MFHAS1: variants seen among roughly 807,000 people sequenced by gnomAD.
The protein encoded by MFHAS1 is multifunctional ROCO family signaling regulator 1.
In MFHAS1, 50 loss-of-function variants were observed where a neutral mutation model predicts 70.4. That is an observed-to-expected ratio of 0.71 (90% CI 0.57 to 0.90). The LOEUF (loss-of-function observed/expected upper bound fraction) is 0.90, where lower values mean the gene tolerates loss of function less well. Among genes scored for constraint, MFHAS1 ranks in the 40% least tolerant of loss-of-function variants. The probability of loss-of-function intolerance (pLI) is 0.00; values close to 1 mark genes in which losing one functional copy is unlikely to be tolerated. For missense variants in MFHAS1, 1,795 were observed against 1,347.6 expected (o/e 1.33, Z -5.20); for synonymous variants, 952 against 620.0 (o/e 1.54, Z -7.96).
chr8:8,879,367 G>C (rs1011878142), intron 1 of MFHAS1, among the ~76,000 whole-genome samples: 4 of 151,958 alleles, frequency 2.6e-5, no homozygotes, highest in African/African-American at 9.7e-5. Context: ...AAAAAGGTAA[G>C]GACTCCTGAA....
rs952929327 is a variant in MFHAS1 at position 8,785,034 on chromosome 8, C to T, written c.*988G>A. On this transcript the variant is annotated 3_prime_UTR_variant, in exon 3 of 3. Transcript: ENST00000276282. ...CCAGATGTGGAAGGTCTACAAAGAG[C>T]TCTGCTAATAAGTAATATGTTTGCA... The T allele has an allele frequency of 1.3e-5, 2 of 152,124 alleles. No homozygotes were observed. Among genetic ancestry groups the T allele is most frequent in the Non-Finnish European group, 2.9e-5 (2 of 68,016 alleles). The allele number at this position is 152,124 out of a possible 1,614,324, so 9.4% of individuals were successfully genotyped here.
chr8:8,890,680 C>G lies in MFHAS1; in HGVS notation c.2379G>C (p.Leu793=). 1 of 1,613,522 alleles carries G rather than the reference C, an allele frequency of 6.2e-7. No individual in the cohort carries two copies. The highest frequency in any genetic ancestry group is 8.5e-7 in the Non-Finnish European group (1 of 1,179,610). The change falls in exon 1 of 3, where the codon CTG becomes CTC. Residue 793 remains leucine, a synonymous_variant. Transcript: ENST00000276282. The part of the protein sequence containing the change: ...TQLHQYVEGF[L]LHGLLPAHVI... ...CATGAGCTGGCAAGAGCCCATGCAA[C>G]AGAAAGCCCTCCACATACTGATGGA... is the stretch of plus-strand genomic sequence containing the variant.
At chr8:8,844,757 C>T (rs971170044) in intron 1 of MFHAS1, among the ~76,000 whole-genome samples, 1 of 152,194 alleles carries the variant, frequency 6.6e-6, no homozygotes, top group Non-Finnish European at 1.5e-5. Flanking sequence ...TCCTCTTCCC[C>T]AACTTGATTT....
rs1216123478 is a variant in MFHAS1, at chr8:8,783,723, G to C, written c.*2299C>G. On this transcript the variant is annotated 3_prime_UTR_variant, in exon 3 of 3. Transcript: ENST00000276282. ...GCCTTGCTTAGAAAACATTCCTCTT[G>C]TGCTTAGTGAATCACCTATCGCCTC... The C allele has an allele frequency of 6.6e-6, 1 of 152,178 alleles. No individual in the cohort carries two copies. Among genetic ancestry groups the C allele is most frequent in the African/African-American group, 2.4e-5 (1 of 41,432 alleles). The allele number at this position is 152,178 out of a possible 1,614,324, so 9.4% of individuals were successfully genotyped here. A position where few individuals can be genotyped will look rare whatever the true frequency, so the allele number is the denominator to read the frequency against.
At chr8:8,818,768 G>C (rs928257839) in intron 1 of MFHAS1, among the ~76,000 whole-genome samples, 1 of 152,212 alleles carries the variant, frequency 6.6e-6, no homozygotes, top group Non-Finnish European at 1.5e-5. Context: ...GTCTATGAGA[G>C]AAGCAACTGC....
In MFHAS1 at chr8:8,822,655, A is replaced by T. The variant is rs187659385; in HGVS notation, c.2999-25164T>A. Among the ~76,000 whole-genome samples, 636 of 125,712 alleles carry T rather than the reference A, an allele frequency of 5.1e-3. 19 individuals are homozygous for T. The Admixed American group carries it at 0.051, about 10-fold the overall frequency. 82.5% of individuals were successfully genotyped at this position (125,712 alleles called of 152,430 possible). A position where few individuals can be genotyped will look rare whatever the true frequency, so the allele number is the denominator to read the frequency against. ...GGACTGAGATGGAGACAGGGACCCA[A>T]GTCAGGGGGACTGAGACGGGGACAG... On this transcript the variant is annotated intron_variant, in intron 1 of 2. Coordinates refer to ENST00000276282, the MANE Select transcript of MFHAS1 (RefSeq NM_004225.3).
At chr8:8,888,727 A>C (rs1172135315) in intron 1 of MFHAS1, among the ~76,000 whole-genome samples, 1 of 152,236 alleles carries the variant, frequency 6.6e-6, no homozygotes, top group African/African-American at 2.4e-5. Flanking sequence ...CAGAGCACAG[A>C]GGATTTTTAA....
intron 1 of MFHAS1, among the ~76,000 whole-genome samples, chr8:8,848,104 C>G (rs966813734): frequency 6.6e-6 from 1 of 152,210 alleles, no homozygotes; most frequent in African/African-American, 2.4e-5. Flanking sequence ...GGGACGGCTG[C>G]TTTCCACCCA....
Position 8,862,807 on chromosome 8 carries a change from T to C in MFHAS1, c.2998+27254A>G, listed in dbSNP as rs569691114. On this transcript the variant is annotated intron_variant, in intron 1 of 2. Transcript: ENST00000276282. ...TGGGGATGCTACTAATGGAGGAGGC[T>C]GCGCATGTGTGGGGACAGGGAACAG... is the stretch of plus-strand genomic sequence containing the variant. Among the ~76,000 whole-genome samples the C allele has an allele frequency of 1.2e-3, 181 of 152,318 alleles. 1 individual carries two copies. Among genetic ancestry groups the C allele is most frequent in the African/African-American group, 3.9e-3 (162 of 41,570 alleles).
chr8:8,888,317 C>A (rs1304709618), intron 1 of MFHAS1, among the ~76,000 whole-genome samples: 1 of 152,132 alleles, frequency 6.6e-6, no homozygotes, highest in African/African-American at 2.4e-5. Flanking sequence ...ATACTATTAC[C>A]AGCTGCATTC....
Position 8,819,453 on chromosome 8 carries a change from A to C in MFHAS1, c.2999-21962T>G, listed in dbSNP as rs374972221. Among the ~76,000 whole-genome samples, 262 of 152,008 alleles carry C rather than the reference A, an allele frequency of 1.7e-3. 7 individuals are homozygous for C. The South Asian group carries it at 0.053, about 31-fold the overall frequency. On this transcript the variant is annotated intron_variant, in intron 1 of 2. Coordinates refer to ENST00000276282, the MANE Select transcript of MFHAS1 (RefSeq NM_004225.3). Reference sequence around the variant, plus strand: ...ACCCCATCTCTACTAAAAACACAAAAAATTAGCCGGGCATGGTGGCGGGTG... The same window carrying C: ...ACCCCATCTCTACTAAAAACACAAACAATTAGCCGGGCATGGTGGCGGGTG...
chr8:8,797,467 G>T lies in MFHAS1; in HGVS notation c.3023C>A (p.Pro1008Gln). ...GCAAATGATCTCTGCCACTCCTTCC[G>T]GTCTGGGCTGACTCAGCAACTCCCC... ...FPGELLSQPR[P>Q]EGVAEIICPK... Residue 1008 changes from proline to glutamine, a missense_variant, in exon 2 of 3, where the codon CCG becomes CAG. Coordinates refer to ENST00000276282, the MANE Select transcript of MFHAS1 (RefSeq NM_004225.3). 6.2e-7 allele frequency: 1 copy of T among 1,613,996 alleles called. No individual in the cohort carries two copies. Among genetic ancestry groups the T allele is most frequent in the Non-Finnish European group, 8.5e-7 (1 of 1,179,932 alleles).
chr8:8,819,861 G>C (rs560754962), intron 1 of MFHAS1, among the ~76,000 whole-genome samples: 3 of 152,098 alleles, frequency 2.0e-5, no homozygotes, highest in African/African-American at 7.2e-5. Flanking sequence ...ACCATGCCCA[G>C]CTGACTTTTT....
intron 2 of MFHAS1, among the ~76,000 whole-genome samples, chr8:8,796,508 CCCGTCTCTACTA>C (rs758430588): frequency 1.1e-3 from 163 of 149,184 alleles, no homozygotes; most frequent in Non-Finnish European, 1.9e-3. Context: ...AGGGTGAAAC[CCCGTCTCTACTA>C]AAAATACAAA....
chr8:8,853,540 G>A (rs1474686384), intron 1 of MFHAS1, among the ~76,000 whole-genome samples: 1 of 151,388 alleles, frequency 6.6e-6, no homozygotes, highest in Non-Finnish European at 1.5e-5. Flanking sequence ...GGCAAACAGT[G>A]TGGGTACAAC....
At chr8:8,792,788 G>A (rs1805762142) in intron 2 of MFHAS1, among the ~76,000 whole-genome samples, 1 of 152,152 alleles carries the variant, frequency 6.6e-6, no homozygotes, top group Non-Finnish European at 1.5e-5. Flanking sequence ...AGTAATCATT[G>A]CACAGGTGAA....
intron 1 of MFHAS1, among the ~76,000 whole-genome samples, chr8:8,850,614 G>A (rs1018478114): frequency 6.6e-6 from 1 of 152,068 alleles, no homozygotes. Flanking sequence ...GGCCAAGCCA[G>A]GTGGATCACT....
intron 1 of MFHAS1, among the ~76,000 whole-genome samples, chr8:8,828,924 G>C (rs527733302): frequency 1.3e-5 from 2 of 152,226 alleles, no homozygotes; most frequent in Admixed American, 6.5e-5. Flanking sequence ...CTTTAGATCA[G>C]GCTCTGTCAA....
chr8:8,814,336 A>AC (rs1806658168), intron 1 of MFHAS1, among the ~76,000 whole-genome samples: 1 of 152,228 alleles, frequency 6.6e-6, no homozygotes, highest in Admixed American at 6.5e-5. Context: ...AATATTCAGT[A>AC]CAGTCACATG....
Sources: gnomAD v4.1 joint callset for allele counts (sites outside exome capture counted in the v4.1 genomes callset) on GRCh38, gnomAD v4.1.1 for gene constraint, MANE v1.5 for transcripts, NCBI Gene and HGNC (gene_info 2026-07-23, HGNC 2026-07-21) for gene names.